RHPN2: variants seen among roughly 807,000 people sequenced by gnomAD.
RHPN2 encodes the protein rhophilin Rho GTPase binding protein 2.
A neutral mutation model predicts 79.0 loss-of-function variants in RHPN2; 40 were observed. That is an observed-to-expected ratio of 0.51 (90% CI 0.39 to 0.66). The LOEUF is 0.66. Among genes scored for constraint, RHPN2 ranks in the 30% least tolerant of loss-of-function variants. RHPN2 has a pLI of 0.00. For synonymous variants in RHPN2, 285 were observed against 363.5 expected, an observed-to-expected ratio of 0.78 and a Z score of 2.46; for missense variants, 686 against 883.5, an observed-to-expected ratio of 0.78 and a Z score of 2.83.
chr19:33,051,608 A>T, intron 1 of RHPN2: 1 of 181,692 alleles, frequency 5.5e-6, no homozygotes, highest in South Asian at 1.0e-4. Flanking sequence ...GTGTGCCCAG[A>T]GAAAAGCCTC....
At position 33,002,359 on chromosome 19, in the gene RHPN2, C is replaced by T. The variant is rs142400477; in HGVS notation, c.993G>A (p.Ala331=). The change falls in exon 9 of 15, where the codon GCG becomes GCA. Residue 331 remains alanine, a synonymous_variant. Transcript: ENST00000254260. The part of the protein sequence containing the change: ...YQQLHAAMSQ[A]PVKENIPYSW... ...AGTAGGGGATGTTCTCTTTCACCGG[C>T]GCCTGGCTCATGGCTGCGTGTAGCT... 9 of 1,613,798 alleles carry T rather than the reference C, an allele frequency of 5.6e-6. No individual in the cohort carries two copies. In the East Asian group the frequency reaches 8.9e-5, roughly 16 times the overall value.
intron 1 of RHPN2, among the ~76,000 whole-genome samples, chr19:33,052,296 C>T (rs1972195498): frequency 6.6e-6 from 1 of 152,092 alleles, no homozygotes; most frequent in Non-Finnish European, 1.5e-5. Flanking sequence ...TTCTGCACAG[C>T]CAAAGATAAA....
chr19:32,995,223 C>A (rs1324794302), intron 11 of RHPN2, among the ~76,000 whole-genome samples: 1 of 152,000 alleles, frequency 6.6e-6, no homozygotes, highest in Non-Finnish European at 1.5e-5. Context: ...TAGGTATGCA[C>A]CACCACACCT....
At position 32,991,859 on chromosome 19, in the gene RHPN2, A is replaced by G; in HGVS notation, c.1608T>C (p.Val536=). 6.2e-7 allele frequency: 1 copy of G among 1,613,964 alleles called. No homozygotes were observed. The highest frequency in any genetic ancestry group is 8.5e-7 in the Non-Finnish European group (1 of 1,179,872). Residue 536 remains valine, a synonymous_variant, in exon 13 of 15, where the codon GTT becomes GTC. Transcript: ENST00000254260. ...LGFTLRGNAP[V]QVHFLDPYCS... is the part of the protein sequence containing the mutation. The stretch of plus-strand genomic sequence containing the variant: ...AGTAAGGATCCAGGAAGTGAACCTG[A>G]ACGGGGGCGTTCCCTCTCAAGGTGA...
intron 1 of RHPN2, among the ~76,000 whole-genome samples, chr19:33,064,553 G>T (rs894241185): frequency 6.6e-6 from 1 of 151,948 alleles, no homozygotes; most frequent in Admixed American, 6.5e-5. Flanking sequence ...GGCCACATGC[G>T]CCTCCCCTAC....
At chr19:33,002,163 A>G in intron 9 of RHPN2, 84 bp downstream of exon 9, 1 of 1,496,490 alleles carries the variant, frequency 6.7e-7, no homozygotes, top group Non-Finnish European at 9.1e-7. Flanking sequence ...CAGGGAAGGC[A>G]GTTAGCTCTC....
rs1339284608 is a variant in RHPN2, at chr19:33,044,259, T to C, written c.175A>G (p.Asn59Asp). 6.2e-7 allele frequency: 1 copy of C among 1,613,688 alleles called. No homozygotes were observed. Among genetic ancestry groups the C allele is most frequent in the Admixed American group, 1.7e-5 (1 of 59,964 alleles). ...KAVRMRTGAE[N>D]LLKVATNSKV... is the part of the protein sequence containing the mutation. ...CCAGAAGACACCTACTTCAGAAGGT[T>C]TTCCGCTCCGGTCCTCATCCGCACG... Residue 59 changes from asparagine to aspartate, a missense_variant, in exon 2 of 15, where the codon AAC becomes GAC. Transcript: ENST00000254260.
intron 1 of RHPN2, among the ~76,000 whole-genome samples, chr19:33,062,599 G>A (rs1225836670): frequency 2.6e-5 from 4 of 151,530 alleles, no homozygotes; most frequent in Admixed American, 1.3e-4. Context: ...GTGAAACCCC[G>A]TTTCTACTAA....
intron 2 of RHPN2, among the ~76,000 whole-genome samples, chr19:33,041,234 G>A (rs1027624270): frequency 7.2e-5 from 11 of 152,056 alleles, no homozygotes; most frequent in Non-Finnish European, 1.3e-4. Flanking sequence ...TCCTTTGGGG[G>A]CTGCGGTAGG....
At position 33,015,632 on chromosome 19, in the gene RHPN2, T is replaced by C. The variant is rs528761834; in HGVS notation, c.391-2908A>G. 5.9e-5 allele frequency among the ~76,000 whole-genome samples: 9 copies of C among 152,242 alleles called. No individual in the cohort carries two copies. The South Asian group carries it at 1.9e-3, about 32-fold the overall frequency. On this transcript the variant is annotated intron_variant, in intron 4 of 14. Coordinates refer to ENST00000254260, the MANE Select transcript of RHPN2 (RefSeq NM_033103.5). ...GTTTATAAAACCCAATAGCATCAAC[T>C]GAAACATTACTAAATTAATAAGAAT...
chr19:33,025,398 C>A (rs1167999885), intron 3 of RHPN2, among the ~76,000 whole-genome samples: 2 of 151,476 alleles, frequency 1.3e-5, no homozygotes, highest in African/African-American at 4.9e-5. Context: ...ACAAGAATCG[C>A]TTGAACCCAG....
At chr19:32,985,824 G>T (rs1599805437) in intron 14 of RHPN2, among the ~76,000 whole-genome samples, 1 of 152,134 alleles carries the variant, frequency 6.6e-6, no homozygotes, top group Admixed American at 6.5e-5. Context: ...TAGAGACAGG[G>T]TTTTGCCACG....
chr19:33,038,481 T>G (rs1972075771), intron 2 of RHPN2, among the ~76,000 whole-genome samples: 1 of 151,970 alleles, frequency 6.6e-6, no homozygotes, highest in Admixed American at 6.6e-5. Context: ...TTTTATTTAT[T>G]TATTATTTAT....
At chr19:33,063,158 C>A (rs560936200) in intron 1 of RHPN2, among the ~76,000 whole-genome samples, 18 of 152,236 alleles carry the variant, frequency 1.2e-4, no homozygotes, top group African/African-American at 4.1e-4. Flanking sequence ...CAGGCCTCCT[C>A]CTGCAATTCC....
At chr19:32,983,472 C>T (rs899388673) in intron 14 of RHPN2, among the ~76,000 whole-genome samples, 1 of 151,352 alleles carries the variant, frequency 6.6e-6, no homozygotes, top group African/African-American at 2.4e-5. Flanking sequence ...GATAGCGCCA[C>T]TCACTGCATT....
chr19:33,060,695 GC>G (rs1425065199), intron 1 of RHPN2, among the ~76,000 whole-genome samples: 2 of 152,082 alleles, frequency 1.3e-5, no homozygotes, highest in Admixed American at 1.3e-4. Flanking sequence ...ACTATGCCAG[GC>G]TGATTTTTAA....
intron 2 of RHPN2, among the ~76,000 whole-genome samples, chr19:33,029,222 A>G (rs945176721): frequency 6.6e-6 from 1 of 152,028 alleles, no homozygotes; most frequent in Non-Finnish European, 1.5e-5. Flanking sequence ...TAGGCAATGA[A>G]TCAGAATAAA....
chr19:33,035,661 C>A (rs966079170), intron 2 of RHPN2, among the ~76,000 whole-genome samples: 1 of 152,172 alleles, frequency 6.6e-6, no homozygotes, highest in Non-Finnish European at 1.5e-5. Flanking sequence ...GAGGCTGAGA[C>A]TTGCTGGGCT....
rs58950332 is a variant in RHPN2, at chr19:33,007,487, C to CATAAATAAATAA, written c.760+515_760+526dup. ...GTGCAACAAGAGCAAAACTCCATCT[C>CATAAATAAATAA]ATAAATAAATAAATAAATAAATAAA... On this transcript the variant is annotated intron_variant, in intron 7 of 14. Transcript: ENST00000254260. Among the ~76,000 whole-genome samples, 60 of 148,204 alleles carry CATAAATAAATAA rather than the reference C, an allele frequency of 4.0e-4. 2 individuals carry two copies. Among genetic ancestry groups the CATAAATAAATAA allele is most frequent in the African/African-American group, 6.3e-4 (25 of 39,918 alleles).
Sources: allele counts gnomAD v4.1 joint callset (sites outside exome capture counted in the v4.1 genomes callset), GRCh38; gene constraint gnomAD v4.1.1; transcripts MANE v1.5; gene names NCBI Gene and HGNC (gene_info 2026-07-23, HGNC 2026-07-21).